Variants in SGCZ observed in about 807,000 individuals in gnomAD.
The protein encoded by SGCZ is zeta-sarcoglycan.
In SGCZ, 40 loss-of-function variants were observed where a neutral mutation model predicts 41.3. The observed-to-expected ratio is 0.97, with a 90% CI of 0.75 to 1.26. The LOEUF (loss-of-function observed/expected upper bound fraction) is 1.26. SGCZ is among the 50% of genes most tolerant of loss of function. The probability of loss-of-function intolerance (pLI) is 0.00; values close to 1 mark genes in which losing one functional copy is unlikely to be tolerated. For synonymous variants in SGCZ, 206 were observed against 137.5 expected, an observed-to-expected ratio of 1.50 and a Z score of -3.49; for missense variants, 552 against 369.8, an observed-to-expected ratio of 1.49 and a Z score of -4.04.
In SGCZ at chr8:15,143,229, C is replaced by T. The variant is rs111830660; in HGVS notation, c.39+94356G>A. On this transcript the variant is annotated intron_variant, in intron 1 of 7. Transcript: ENST00000382080. ...CTACAAACATAATAAAAGTCTAGTT[C>T]TCCAGTAGAATGAGTGTTCCACCAT... is the stretch of plus-strand genomic sequence containing the variant. Among the ~76,000 whole-genome samples the T allele has an allele frequency of 3.1e-4, 47 of 152,270 alleles. 1 individual carries two copies. The highest frequency in any genetic ancestry group is 1.1e-3 in the African/African-American group (44 of 41,560).
intron 1 of SGCZ, among the ~76,000 whole-genome samples, chr8:15,055,318 T>C (rs889764023): frequency 9.2e-5 from 14 of 152,294 alleles, no homozygotes; most frequent in African/African-American, 3.4e-4. Context: ...CAGAAAATAT[T>C]AGTTATGATT....
intron 4 of SGCZ, among the ~76,000 whole-genome samples, chr8:14,198,923 T>A (rs1805366450): frequency 6.6e-6 from 1 of 152,204 alleles, no homozygotes. Flanking sequence ...CTTAATCCTG[T>A]CATCTTCGTA....
chr8:15,183,452 T>C (rs1277969178), intron 1 of SGCZ, among the ~76,000 whole-genome samples: 1 of 152,232 alleles, frequency 6.6e-6, no homozygotes, highest in Non-Finnish European at 1.5e-5. Flanking sequence ...TGGTCCATCA[T>C]TAACCAAAAC....
At chr8:14,606,106 C>G (rs1326128317) in intron 1 of SGCZ, among the ~76,000 whole-genome samples, 1 of 152,060 alleles carries the variant, frequency 6.6e-6, no homozygotes, top group African/African-American at 2.4e-5. Context: ...TCCAACTTTT[C>G]TATTACCACC....
intron 6 of SGCZ, among the ~76,000 whole-genome samples, chr8:14,105,711 G>C (rs1409198848): frequency 6.6e-6 from 1 of 151,876 alleles, no homozygotes; most frequent in Non-Finnish European, 1.5e-5. Flanking sequence ...TTTACATAAT[G>C]ATGAATAATT....
chr8:14,227,973 A>G (rs1465643493), intron 4 of SGCZ, among the ~76,000 whole-genome samples: 1 of 151,994 alleles, frequency 6.6e-6, no homozygotes, highest in Non-Finnish European at 1.5e-5. Context: ...GGCAATTAGT[A>G]TTGTTGTGCA....
chr8:14,701,417 T>G (rs56851701), intron 1 of SGCZ, among the ~76,000 whole-genome samples: 1 of 151,962 alleles, frequency 6.6e-6, no homozygotes, highest in Non-Finnish European at 1.5e-5. Flanking sequence ...CTTTTTGTTT[T>G]CTTTCTCTAT....
rs145459341 is a variant in SGCZ, at chr8:14,426,108, C to T, written c.235-101904G>A. 9.9e-5 allele frequency among the ~76,000 whole-genome samples: 15 copies of T among 152,116 alleles called. 1 individual carries two copies. In the East Asian group the frequency reaches 2.1e-3, roughly 22 times the overall value. On this transcript the variant is annotated intron_variant, in intron 2 of 7. Transcript: ENST00000382080. ...TCCTTCAACAAATGTTTATTGAGTG[C>T]CTGGTCTATTCCAGGTACCATTCTG...
At chr8:14,245,452 G>A (rs1799051699) in intron 3 of SGCZ, among the ~76,000 whole-genome samples, 1 of 152,108 alleles carries the variant, frequency 6.6e-6, no homozygotes. Context: ...ATTCAAGATG[G>A]ATTAAAGACT....
At chr8:14,675,950 T>A (rs926847061) in intron 1 of SGCZ, among the ~76,000 whole-genome samples, 3 of 152,064 alleles carry the variant, frequency 2.0e-5, no homozygotes, top group African/African-American at 7.2e-5. Context: ...GAATAGCAGA[T>A]AGATGGAAGG....
chr8:14,147,944 C>A (rs780148620), intron 5 of SGCZ, among the ~76,000 whole-genome samples: 1 of 152,030 alleles, frequency 6.6e-6, no homozygotes. Flanking sequence ...ACCATGTGCT[C>A]CTCAATGATC....
intron 1 of SGCZ, among the ~76,000 whole-genome samples, chr8:15,222,186 T>C (rs1397503975): frequency 2.6e-5 from 4 of 152,168 alleles, no homozygotes; most frequent in African/African-American, 9.7e-5. Context: ...TAAAGGGGGC[T>C]AAATAAAAAG....
intron 2 of SGCZ, among the ~76,000 whole-genome samples, chr8:14,512,590 A>T (rs1050926177): frequency 2.6e-5 from 4 of 151,624 alleles, no homozygotes; most frequent in African/African-American, 9.7e-5. Flanking sequence ...CTCCAGAGTA[A>T]CTAGGGCTAC....
At chr8:14,320,482 T>C (rs748803052) in intron 3 of SGCZ, among the ~76,000 whole-genome samples, 48 of 151,554 alleles carry the variant, frequency 3.2e-4, no homozygotes, top group Admixed American at 6.6e-4. Flanking sequence ...TATTATACTT[T>C]AAGTTCTAGG....
At chr8:14,485,629 T>C (rs1801650381) in intron 2 of SGCZ, among the ~76,000 whole-genome samples, 1 of 152,066 alleles carries the variant, frequency 6.6e-6, no homozygotes, top group African/African-American at 2.4e-5. Context: ...TTTCCTCTCA[T>C]AGTACATGAG....
intron 1 of SGCZ, among the ~76,000 whole-genome samples, chr8:15,155,194 C>T (rs1408201274): frequency 6.6e-6 from 1 of 152,062 alleles, no homozygotes; most frequent in Non-Finnish European, 1.5e-5. Flanking sequence ...ACTTGGGAGG[C>T]TGAGGTGGAA....
At chr8:14,990,550 A>G (rs1187056796) in intron 1 of SGCZ, among the ~76,000 whole-genome samples, 3 of 152,058 alleles carry the variant, frequency 2.0e-5, no homozygotes, top group Admixed American at 6.6e-5. Context: ...CATGCTCCTT[A>G]TGAGAATCCA....
At chr8:15,085,447 C>T (rs1017561765) in intron 1 of SGCZ, among the ~76,000 whole-genome samples, 1 of 152,060 alleles carries the variant, frequency 6.6e-6, no homozygotes, top group South Asian at 2.1e-4. Flanking sequence ...AAACAAAAAG[C>T]CTTCTTTCCA....
chr8:15,052,948 G>T (rs999728324), intron 1 of SGCZ, among the ~76,000 whole-genome samples: 1 of 152,024 alleles, frequency 6.6e-6, no homozygotes, highest in African/African-American at 2.4e-5. Context: ...AATCCATATA[G>T]CTTGATTCCT....
Sources: gnomAD v4.1 joint callset for allele counts (sites outside exome capture counted in the v4.1 genomes callset) on GRCh38, gnomAD v4.1.1 for gene constraint, MANE v1.5 for transcripts, NCBI Gene and HGNC (gene_info 2026-07-23, HGNC 2026-07-21) for gene names.